The following ATF7IP variants were observed in gnomAD, a reference collection of about 807,000 sequenced individuals.
The protein encoded by ATF7IP is activating transcription factor 7-interacting protein 1.
A neutral mutation model predicts 106.4 loss-of-function variants in ATF7IP; 23 were observed. The observed-to-expected ratio is 0.22, with a 90% CI of 0.16 to 0.31. The LOEUF is 0.31. Ranked by LOEUF, ATF7IP falls within the 10% of genes least tolerant of loss-of-function variation. ATF7IP has a pLI of 1.00. For synonymous variants in ATF7IP, 542 were observed against 539.0 expected, an observed-to-expected ratio of 1.01 and a Z score of -0.08; for missense variants, 1,334 against 1,524.3, an observed-to-expected ratio of 0.88 and a Z score of 2.08.
At chr12:14,451,102 T>C (rs1943185103) in intron 6 of ATF7IP, among the ~76,000 whole-genome samples, 1 of 152,094 alleles carries the variant, frequency 6.6e-6, no homozygotes, top group Non-Finnish European at 1.5e-5. Flanking sequence ...TATTTATTTA[T>C]TTACTTTTAA....
chr12:14,397,658 C>T (rs1939924511), intron 1 of ATF7IP, among the ~76,000 whole-genome samples: 1 of 152,136 alleles, frequency 6.6e-6, no homozygotes, highest in South Asian at 2.1e-4. Context: ...ATCTCTTTTA[C>T]ATGACAAATA....
intron 6 of ATF7IP, among the ~76,000 whole-genome samples, chr12:14,454,745 T>C (rs961333898): frequency 5.3e-5 from 8 of 152,214 alleles, no homozygotes; most frequent in African/African-American, 1.9e-4. Context: ...TCTGACATGT[T>C]GCTGATCATA....
chr12:14,459,605 C>T (rs906015905), intron 8 of ATF7IP, among the ~76,000 whole-genome samples: 2 of 152,174 alleles, frequency 1.3e-5, no homozygotes, highest in South Asian at 2.1e-4. Flanking sequence ...AATAATGTCT[C>T]ATTGTTATGA....
intron 13 of ATF7IP, among the ~76,000 whole-genome samples, chr12:14,489,201 C>T (rs370556397): frequency 6.6e-5 from 10 of 152,140 alleles, no homozygotes; most frequent in African/African-American, 7.2e-5. Context: ...TACTAACAGA[C>T]GCCTTAATGG....
At position 14,425,202 on chromosome 12, in the gene ATF7IP, T is replaced by C; in HGVS notation, c.1287T>C (p.Ser429=). 6.3e-7 allele frequency: 1 copy of C among 1,596,858 alleles called. No individual in the cohort carries two copies. Among genetic ancestry groups the C allele is most frequent in the Non-Finnish European group, 8.5e-7 (1 of 1,175,278 alleles). The change falls in exon 2 of 15, where the codon TCT becomes TCC. Residue 429 remains serine, a synonymous_variant. Transcript: ENST00000261168. ...AGAATATCTTAGAAAATACAGACTC[T>C]ATGGAGACAGATGAAATCATTCCTA... The part of the protein sequence containing the change: ...KSENILENTD[S]METDEIIPIL...
chr12:14,465,253 T>C (rs185536690), intron 9 of ATF7IP, among the ~76,000 whole-genome samples: 35 of 152,010 alleles, frequency 2.3e-4, no homozygotes, highest in African/African-American at 7.0e-4. Context: ...AATTAAAAAA[T>C]AAAAATATAA....
intron 1 of ATF7IP, among the ~76,000 whole-genome samples, chr12:14,383,939 A>G (rs78055525): frequency 0.014 from 2,101 of 152,248 alleles, 64 homozygotes; most frequent in African/African-American, 0.048. Context: ...GCTTGGATCA[A>G]GTTTAACTTT....
chr12:14,468,438 C>T (rs1205448775), intron 10 of ATF7IP, among the ~76,000 whole-genome samples: 2 of 148,888 alleles, frequency 1.3e-5, no homozygotes, highest in Admixed American at 6.7e-5. Flanking sequence ...CCCAGGAGGT[C>T]GAAACCAACC....
chr12:14,391,176 AAC>A (rs1294693793), intron 1 of ATF7IP, among the ~76,000 whole-genome samples: 1 of 152,244 alleles, frequency 6.6e-6, no homozygotes, highest in African/African-American at 2.4e-5. Context: ...GGTGATATGT[AAC>A]AGTCTGTTAT....
At chr12:14,481,452 A>G (rs1039659446) in intron 13 of ATF7IP, 3 of 364,312 alleles carry the variant, frequency 8.2e-6, no homozygotes, top group South Asian at 4.9e-5. Context: ...GAGATCATGC[A>G]TATGTCAGCT....
At chr12:14,455,462 G>A (rs914255290) in intron 6 of ATF7IP, among the ~76,000 whole-genome samples, 1 of 152,164 alleles carries the variant, frequency 6.6e-6, no homozygotes, top group African/African-American at 2.4e-5. Context: ...AGATGTATTT[G>A]TTGTTAAGAA....
At chr12:14,370,789 CATG>C (rs1302904567) in intron 1 of ATF7IP, among the ~76,000 whole-genome samples, 2 of 151,810 alleles carry the variant, frequency 1.3e-5, no homozygotes, top group African/African-American at 2.4e-5. Context: ...TGGTTTAGGA[CATG>C]ATGACATAAA....
intron 10 of ATF7IP, among the ~76,000 whole-genome samples, chr12:14,469,431 AATG>A (rs377432191): frequency 1.3e-5 from 2 of 151,890 alleles, no homozygotes; most frequent in Non-Finnish European, 2.9e-5. Context: ...TTAATTAGCA[AATG>A]ATGAAATATG....
At chr12:14,380,805 A>T (rs2083020037) in intron 1 of ATF7IP, among the ~76,000 whole-genome samples, 2 of 152,124 alleles carry the variant, frequency 1.3e-5, no homozygotes, top group African/African-American at 4.8e-5. Flanking sequence ...TTTTTAGTAG[A>T]GACGGGGTTT....
chr12:14,458,159 T>A (rs1382054892), intron 8 of ATF7IP, among the ~76,000 whole-genome samples: 1 of 151,870 alleles, frequency 6.6e-6, no homozygotes, highest in African/African-American at 2.4e-5. Flanking sequence ...TCATAATGTC[T>A]AACACAAAAA....
chr12:14,401,018 A>G (rs1024700373), intron 1 of ATF7IP, among the ~76,000 whole-genome samples: 2 of 152,036 alleles, frequency 1.3e-5, no homozygotes, highest in Non-Finnish European at 2.9e-5. Context: ...CTAATCCTAT[A>G]TCACTATGCC....
chr12:14,434,509 GC>G, intron 3 of ATF7IP, 86 bp downstream of exon 3: 1 of 921,116 alleles, frequency 1.1e-6, no homozygotes, highest in Non-Finnish European at 1.7e-6. Flanking sequence ...ATTCTTTTTT[GC>G]CCATGAAATA....
chr12:14,432,064 A>G (rs1481148555), intron 2 of ATF7IP, among the ~76,000 whole-genome samples: 1 of 152,182 alleles, frequency 6.6e-6, no homozygotes, highest in African/African-American at 2.4e-5. Flanking sequence ...TTTTTGAATA[A>G]AATGAAGAAA....
At chr12:14,367,553 A>G (rs1028583483) in intron 1 of ATF7IP, 1 of 152,082 alleles carries the variant, frequency 6.6e-6, no homozygotes, top group Non-Finnish European at 1.5e-5. Context: ...ACACATAAAT[A>G]TTTCGGTTAA....
Sources: allele counts gnomAD v4.1 joint callset (sites outside exome capture counted in the v4.1 genomes callset), GRCh38; gene constraint gnomAD v4.1.1; transcripts MANE v1.5; gene names NCBI Gene and HGNC (gene_info 2026-07-23, HGNC 2026-07-21).